The following ATP5F1C variants were observed in gnomAD, a reference collection of about 807,000 sequenced individuals.
ATP5F1C encodes ATP synthase F1 subunit gamma.
ATP5F1C carries 22 observed loss-of-function variants against 37.4 expected under a neutral mutation model. The ratio of observed to expected loss-of-function variants is 0.59; its 90% CI spans 0.42 to 0.84. The LOEUF is 0.84. Among genes scored for constraint, ATP5F1C ranks in the 40% least tolerant of loss-of-function variants. ATP5F1C has a pLI of 0.00. For missense variants in ATP5F1C, 286 were observed against 362.4 expected (o/e 0.79, Z 1.71); for synonymous variants, 121 against 128.0 (o/e 0.95, Z 0.37).
intron 8 of ATP5F1C, 65 bp downstream of exon 8, chr10:7,802,919 G>A (rs1836399020): frequency 7.0e-7 from 1 of 1,431,702 alleles, no homozygotes; most frequent in East Asian, 2.3e-5. Flanking sequence ...TGCTTGTTTG[G>A]ATGCTTAAAA....
chr10:7,803,847 C>G (rs139299771), intron 8 of ATP5F1C, among the ~76,000 whole-genome samples: 3 of 152,208 alleles, frequency 2.0e-5, no homozygotes, highest in African/African-American at 7.2e-5. Context: ...TTACCTCCTG[C>G]TAATCAGTTA....
intron 4 of ATP5F1C, chr10:7,799,403 T>C: frequency 1.7e-6 from 1 of 576,684 alleles, no homozygotes; most frequent in East Asian, 3.0e-5. Flanking sequence ...CCCTGTTTTC[T>C]ACCTTTGCTT....
intron 1 of ATP5F1C, among the ~76,000 whole-genome samples, chr10:7,794,728 T>G (rs908053000): frequency 1.3e-5 from 2 of 152,244 alleles, no homozygotes; most frequent in African/African-American, 4.8e-5. Flanking sequence ...ATAATTATTT[T>G]TAATACATTG....
intron 3 of ATP5F1C, 136 bp from the exon 4 acceptor site, chr10:7,798,854 C>G: frequency 1.3e-6 from 1 of 786,138 alleles, no homozygotes; most frequent in Non-Finnish European, 2.0e-6. Flanking sequence ...GTCCTAAGAA[C>G]ACCTGCTTAC....
chr10:7,795,376 C>G lies in ATP5F1C; in HGVS notation c.57-745C>G, dbSNP rs142882387. On this transcript the variant is annotated intron_variant, in intron 1 of 9. Transcript: ENST00000356708. ...ATGGATTTGAAGGCAGAAAGATCAT[C>G]TAATATTTTTTAGCATGTCTTCCCC... 7.6e-3 allele frequency among the ~76,000 whole-genome samples: 1,161 copies of G among 152,272 alleles called. 27 individuals carry two copies. Among genetic ancestry groups the G allele is most frequent in the South Asian group, 0.024 (115 of 4,820 alleles).
At position 7,797,196 on chromosome 10, in the gene ATP5F1C, T is replaced by G; in HGVS notation, c.223+18T>G. 6.2e-7 allele frequency: 1 copy of G among 1,609,432 alleles called. No homozygotes were observed. The highest frequency in any genetic ancestry group is 8.5e-7 in the Non-Finnish European group (1 of 1,176,818). ...ATCTTTAGGTAAGGGAAGAGTGTAATTCACAAATTAGGAAGAACTGTTTCA... is the reference window on the plus strand; with the variant it reads ...ATCTTTAGGTAAGGGAAGAGTGTAAGTCACAAATTAGGAAGAACTGTTTCA... On this transcript the variant is annotated intron_variant, in intron 3 of 9. Transcript: ENST00000356708.
At chr10:7,788,402 G>C in intron 1 of ATP5F1C, 139 bp downstream of exon 1, 3 of 1,245,680 alleles carry the variant, frequency 2.4e-6, no homozygotes, top group Non-Finnish European at 3.4e-6. Context: ...CGGAGGCGCC[G>C]GGTAGCGGGG....
chr10:7,806,294 T>G (rs1295071656), intron 8 of ATP5F1C, among the ~76,000 whole-genome samples: 1 of 152,184 alleles, frequency 6.6e-6, no homozygotes, highest in African/African-American at 2.4e-5. Flanking sequence ...ATTTGGCTAT[T>G]TAGTAATATA....
chr10:7,798,618 G>A (rs1345033814), intron 3 of ATP5F1C, among the ~76,000 whole-genome samples: 1 of 152,160 alleles, frequency 6.6e-6, no homozygotes, highest in Non-Finnish European at 1.5e-5. Flanking sequence ...CCGTGGTCTT[G>A]ATATCGTGAC....
At chr10:7,798,325 CT>C (rs1264365742) in intron 3 of ATP5F1C, among the ~76,000 whole-genome samples, 1 of 151,254 alleles carries the variant, frequency 6.6e-6, no homozygotes, top group African/African-American at 2.4e-5. Context: ...CAACCTCCCC[CT>C]CCCAGGCTCA....
At chr10:7,802,093 A>T in intron 6 of ATP5F1C, 177 bp from the exon 7 acceptor site, 1 of 637,926 alleles carries the variant, frequency 1.6e-6, no homozygotes. Flanking sequence ...TTTGCTAAAA[A>T]TATGCTATCA....
At chr10:7,791,235 G>A (rs1172896821) in intron 1 of ATP5F1C, among the ~76,000 whole-genome samples, 1 of 152,076 alleles carries the variant, frequency 6.6e-6, no homozygotes, top group Non-Finnish European at 1.5e-5. Context: ...GGGAGGCGGA[G>A]GTTGCAGTGA....
chr10:7,800,128 A>G, intron 6 of ATP5F1C, 37 bp downstream of exon 6: 1 of 1,588,752 alleles, frequency 6.3e-7, no homozygotes, highest in African/African-American at 1.3e-5. Context: ...TTTTTGGCAT[A>G]TAGAATGGAG....
At chr10:7,791,946 T>C (rs1836171117) in intron 1 of ATP5F1C, among the ~76,000 whole-genome samples, 1 of 152,242 alleles carries the variant, frequency 6.6e-6, no homozygotes, top group Non-Finnish European at 1.5e-5. Context: ...TCTGTGTTTG[T>C]CCAAATATGG....
chr10:7,807,031 C>T, intron 9 of ATP5F1C, 21 bp downstream of exon 9: 1 of 1,600,136 alleles, frequency 6.2e-7, no homozygotes, highest in South Asian at 1.1e-5. Flanking sequence ...CACATTCTTC[C>T]CATGTCTGTT....
In ATP5F1C at chr10:7,795,895, G is replaced by A. The variant is rs185071562; in HGVS notation, c.57-226G>A. Among the ~76,000 whole-genome samples, 32 of 152,072 alleles carry A rather than the reference G, an allele frequency of 2.1e-4. No individual in the cohort carries two copies. In the East Asian group the frequency reaches 5.8e-3, roughly 28 times the overall value. ...AGAGCATGTTGACTTCTGGGAAGGT[G>A]GTGGTACAGACAGGCCAAATAAAAG... On this transcript the variant is annotated intron_variant, in intron 1 of 9. Transcript: ENST00000356708.
chr10:7,801,863 G>T (rs1836372525), intron 6 of ATP5F1C, among the ~76,000 whole-genome samples: 2 of 152,200 alleles, frequency 1.3e-5, no homozygotes, highest in Admixed American at 1.3e-4. Context: ...GATTAGGGAT[G>T]CTCAACCTGT....
Position 7,799,860 on chromosome 10 carries a change from T to C in ATP5F1C, c.517T>C (p.Leu173=). 1 of 1,614,230 alleles carries C rather than the reference T, an allele frequency of 6.2e-7. No homozygotes were observed. The highest frequency in any genetic ancestry group is 1.1e-5 in the South Asian group (1 of 91,086). ...AGATGCGTCAGTCATTGCCCTTGAA[T>C]TACTAAATTCTGGATATGAATTTGA... ...FGDASVIALE[L]LNSGYEFDEG... Residue 173 remains leucine, a synonymous_variant, in exon 5 of 10, where the codon TTA becomes CTA. Transcript: ENST00000356708.
At chr10:7,804,440 G>A (rs373752775) in intron 8 of ATP5F1C, among the ~76,000 whole-genome samples, 4 of 152,102 alleles carry the variant, frequency 2.6e-5, no homozygotes, top group South Asian at 2.1e-4. Context: ...ACTCTTTCTC[G>A]CGGCCAGGGA....
Sources: allele counts gnomAD v4.1 joint callset (sites outside exome capture counted in the v4.1 genomes callset), GRCh38; gene constraint gnomAD v4.1.1; transcripts MANE v1.5; gene names NCBI Gene and HGNC (gene_info 2026-07-23, HGNC 2026-07-21).